FUT8: variants seen among roughly 807,000 people sequenced by gnomAD.
FUT8 encodes alpha-(1,6)-fucosyltransferase.
In FUT8, 29 loss-of-function variants were observed where a neutral mutation model predicts 71.3. The ratio of observed to expected loss-of-function variants is 0.41; its 90% CI spans 0.30 to 0.55. The LOEUF (loss-of-function observed/expected upper bound fraction) is 0.55. Among genes scored for constraint, FUT8 ranks in the 20% least tolerant of loss-of-function variants. The pLI is 0.34. For synonymous variants in FUT8, 254 were observed against 239.3 expected (o/e 1.06, Z -0.57); for missense variants, 544 against 702.1 (o/e 0.77, Z 2.55).
chr14:65,704,544 T>TA (rs1245777888), intron 7 of FUT8, among the ~76,000 whole-genome samples: 2 of 149,644 alleles, frequency 1.3e-5, no homozygotes, highest in Admixed American at 6.6e-5. Flanking sequence ...CTAACTTATT[T>TA]AAAAAAAATA....
At chr14:65,694,852 A>G (rs1474181384) in intron 7 of FUT8, among the ~76,000 whole-genome samples, 1 of 131,220 alleles carries the variant, frequency 7.6e-6, no homozygotes, top group East Asian at 2.4e-4. Flanking sequence ...ATGAGAACAC[A>G]TGGACACAGG....
At chr14:65,429,044 A>G (rs1455836401) in intron 1 of FUT8, among the ~76,000 whole-genome samples, 1 of 152,234 alleles carries the variant, frequency 6.6e-6, no homozygotes, top group Admixed American at 6.5e-5. Flanking sequence ...TTTAAAAAAT[A>G]GTGTACATGT....
At chr14:65,512,417 G>C (rs1051400861) in intron 2 of FUT8, among the ~76,000 whole-genome samples, 2 of 152,206 alleles carry the variant, frequency 1.3e-5, no homozygotes, top group South Asian at 4.2e-4. Flanking sequence ...CCCCTGCCTT[G>C]GCCTCCCAAA....
intron 2 of FUT8, among the ~76,000 whole-genome samples, chr14:65,506,954 G>T (rs1415762228): frequency 6.6e-6 from 1 of 152,158 alleles, no homozygotes; most frequent in Non-Finnish European, 1.5e-5. Context: ...CCAGCTGAGG[G>T]TGTCTCAGCT....
intron 1 of FUT8, among the ~76,000 whole-genome samples, chr14:65,427,395 A>G (rs2065406292): frequency 1.3e-5 from 2 of 152,140 alleles, no homozygotes; most frequent in African/African-American, 4.8e-5. Flanking sequence ...GGCTGTCTCA[A>G]TTTACATTCC....
intron 5 of FUT8, among the ~76,000 whole-genome samples, chr14:65,624,431 T>TA (rs928188761): frequency 2.0e-5 from 3 of 152,136 alleles, no homozygotes; most frequent in Non-Finnish European, 2.9e-5. Flanking sequence ...ACTAATTTAT[T>TA]AAAAAAAGTA....
At position 65,600,780 on chromosome 14, in the gene FUT8, A is replaced by G. The variant is rs189415696; in HGVS notation, c.204-15198A>G. ...TATGGAATGAGCAAATAAGTAAGCA[A>G]TTACATTTCCATTTAAAAAATCTGG... is the stretch of plus-strand genomic sequence containing the variant. On this transcript the variant is annotated intron_variant, in intron 3 of 10. Coordinates refer to ENST00000673929, the MANE Select transcript of FUT8 (RefSeq NM_001371533.1). Among the ~76,000 whole-genome samples the G allele has an allele frequency of 2.8e-3, 433 of 152,298 alleles. 2 individuals are homozygous for G. The highest frequency in any genetic ancestry group is 9.9e-3 in the African/African-American group (411 of 41,576).
chr14:65,542,463 A>T, intron 2 of FUT8, among the ~76,000 whole-genome samples: 1 of 152,194 alleles, frequency 6.6e-6, no homozygotes, highest in East Asian at 1.9e-4. Context: ...TGGTTGTACC[A>T]TAATTTATTT....
intron 7 of FUT8, among the ~76,000 whole-genome samples, chr14:65,681,723 C>A (rs1196555679): frequency 6.6e-6 from 1 of 152,158 alleles, no homozygotes; most frequent in Non-Finnish European, 1.5e-5. Flanking sequence ...TGATCGTGAT[C>A]ACATTACAGT....
the FUT8 span, among the ~76,000 whole-genome samples, chr14:65,370,591 ATATAAG>A: frequency 4.0e-5 from 6 of 149,992 alleles, no homozygotes; most frequent in Admixed American, 6.7e-5. Context: ...ACAAAAATAT[ATATAAG>A]TATATGTATA....
rs983400232 is a variant in FUT8 at position 65,669,849 on chromosome 14, A to G, written c.835+369A>G. 4.6e-5 allele frequency among the ~76,000 whole-genome samples: 7 copies of G among 152,212 alleles called. No individual in the cohort carries two copies. Among genetic ancestry groups the G allele is most frequent in the Non-Finnish European group, 8.8e-5 (6 of 68,034 alleles). ...TAGTCCAGTTTATATGGACTACTAT[A>G]TATGAGTAGCATGAGCATGCATGAG... On this transcript the variant is annotated intron_variant, in intron 7 of 10. Transcript: ENST00000673929. This position sits in a 1 kb window ranked among gnomAD's most constrained non-coding sequence, Gnocchi z 4.5.
chr14:65,677,163 T>A, intron 7 of FUT8, among the ~76,000 whole-genome samples: 1 of 113,300 alleles, frequency 8.8e-6, no homozygotes, highest in East Asian at 3.1e-4. Flanking sequence ...CGCGCGCGCA[T>A]GCGCGCGCAC....
At chr14:65,509,015 G>A (rs1882160353) in intron 2 of FUT8, among the ~76,000 whole-genome samples, 1 of 152,156 alleles carries the variant, frequency 6.6e-6, no homozygotes, top group South Asian at 2.1e-4. Flanking sequence ...ATACCCTGGA[G>A]AGTTTCCCCA....
intron 2 of FUT8, among the ~76,000 whole-genome samples, chr14:65,526,512 A>G (rs1420768422): frequency 2.0e-5 from 3 of 152,096 alleles, no homozygotes; most frequent in Non-Finnish European, 4.4e-5. Flanking sequence ...TTGACTCTTT[A>G]TCCAATTTAC....
At chr14:65,564,110 C>T (rs528246988) in intron 3 of FUT8, among the ~76,000 whole-genome samples, 1 of 152,118 alleles carries the variant, frequency 6.6e-6, no homozygotes, top group Admixed American at 6.6e-5. Context: ...TTTTAGAGCC[C>T]TCTGGCATGA....
chr14:65,587,682 A>G (rs1023827050), intron 3 of FUT8, among the ~76,000 whole-genome samples: 7 of 152,360 alleles, frequency 4.6e-5, no homozygotes, highest in African/African-American at 1.7e-4. Flanking sequence ...GTCCACTTGG[A>G]CTATTAAAAT....
intron 2 of FUT8, among the ~76,000 whole-genome samples, chr14:65,464,111 T>A (rs911763237): frequency 2.0e-5 from 3 of 152,252 alleles, no homozygotes; most frequent in African/African-American, 2.4e-5. Context: ...GGAGTTTTTT[T>A]AAAATAGATT....
chr14:65,564,332 T>C (rs138070611), intron 3 of FUT8, among the ~76,000 whole-genome samples: 82 of 152,210 alleles, frequency 5.4e-4, no homozygotes, highest in African/African-American at 1.9e-3. Context: ...CACAAAAGCT[T>C]GAAACTACAA....
Position 65,480,831 on chromosome 14 carries a change from C to A in FUT8, c.-228+25113C>A, listed in dbSNP as rs759716148. 2.0e-5 allele frequency among the ~76,000 whole-genome samples: 3 copies of A among 151,990 alleles called. 1 individual carries two copies. The South Asian group carries it at 6.2e-4, about 32-fold the overall frequency. On this transcript the variant is annotated intron_variant, in intron 2 of 10. Transcript: ENST00000673929. ...CCTTCCAAGTAGCTGGGACTACAGGCGTGTACCACCACACTGGCTAATTTT... is the reference window on the plus strand; with the variant it reads ...CCTTCCAAGTAGCTGGGACTACAGGAGTGTACCACCACACTGGCTAATTTT...
Sources: allele counts gnomAD v4.1 joint callset (sites outside exome capture counted in the v4.1 genomes callset), GRCh38; gene constraint gnomAD v4.1.1; non-coding constraint Gnocchi (gnomAD v3.1); transcripts MANE v1.5; gene names NCBI Gene and HGNC (gene_info 2026-07-23, HGNC 2026-07-21).